The following MTMR8 variants were observed in gnomAD, a reference collection of about 807,000 sequenced individuals.
MTMR8 encodes the protein phosphatidylinositol-3,5-bisphosphate 3-phosphatase MTMR8.
MTMR8 carries 65 observed loss-of-function variants against 39.3 expected under a neutral mutation model. That is an observed-to-expected ratio of 1.65 (90% CI 1.35 to 2.03). MTMR8 has a LOEUF of 2.03. MTMR8 is among the 30% of genes most tolerant of loss of function. MTMR8 has a pLI of 0.00. For missense variants in MTMR8, 777 were observed against 538.9 expected, an observed-to-expected ratio of 1.44 and a Z score of -4.37; for synonymous variants, 245 against 185.2, an observed-to-expected ratio of 1.32 and a Z score of -2.62.
intron 12 of MTMR8, among the ~76,000 whole-genome samples, chrX:64,278,459 G>GTTTTTTTTTTTTTTTTTTTTTT (rs1931928205): frequency 6.0e-5 from 3 of 49,855 alleles, no homozygotes; most frequent in African/African-American, 3.4e-4. Context: ...TTATTTTGCT[G>GTTTTTTTTTTTTTTTTTTTTTT]GTTTTTTTTT....
intron 1 of MTMR8, among the ~76,000 whole-genome samples, chrX:64,388,700 T>G (rs1924622597): frequency 8.9e-6 from 1 of 112,195 alleles, no homozygotes; most frequent in African/African-American, 3.2e-5. Flanking sequence ...GAATCCTAGT[T>G]CCACAGATGT....
intron 1 of MTMR8, among the ~76,000 whole-genome samples, chrX:64,374,617 G>A (rs952723718): frequency 2.7e-5 from 3 of 111,873 alleles, no homozygotes; most frequent in African/African-American, 9.8e-5. Context: ...TAGTTAAAGA[G>A]AAGTGAAAAA....
At chrX:64,306,962 C>G (rs1030411746) in intron 12 of MTMR8, among the ~76,000 whole-genome samples, 11 of 111,909 alleles carry the variant, frequency 9.8e-5, no homozygotes, top group Non-Finnish European at 1.9e-5. Context: ...GAGACAACTA[C>G]GGGAGCGGAA....
chrX:64,305,965 A>T lies in MTMR8; in HGVS notation c.1481+22807T>A, dbSNP rs555715598. On this transcript the variant is annotated intron_variant, in intron 12 of 13. Transcript: ENST00000374852. ...CCCTGTCTCTACAAACAATTTAAAC[A>T]TTTAGCTGGGTGTGGTGGCACGCAC... 3.9e-3 allele frequency: 779 copies of T among 197,934 alleles called. 12 individuals are homozygous for T. The South Asian group carries it at 0.063, about 16-fold the overall frequency. The allele number at this position is 197,934 out of a possible 1,213,427, so 16.3% of individuals were successfully genotyped here.
Position 64,270,981 on chromosome X carries a change from G to C in MTMR8, c.1574C>G (p.Ala525Gly), listed in dbSNP as rs142296761. The change falls in exon 13 of 14, where the codon GCA (alanine) becomes GGA (glycine). Residue 525 changes from alanine (A) to glycine (G), a missense_variant. Ala to Gly is a moderately conservative substitution (Grantham distance 60). Coordinates refer to ENST00000374852, the MANE Select transcript of MTMR8 (RefSeq NM_017677.4). ...TTCATGCACATCTGTCTCCAGCATTGCTCTCTGTTTCTTAATTTCCAGGAG... is the reference window on the plus strand; with the variant it reads ...TTCATGCACATCTGTCTCCAGCATTCCTCTCTGTTTCTTAATTTCCAGGAG... ...ESLLEIKKQR[A>G]MLETDVHELE... is the part of the protein sequence containing the mutation. The C allele has an allele frequency of 1.8e-5, 22 of 1,209,944 alleles. No individual in the cohort carries two copies. The highest frequency in any genetic ancestry group is 2.5e-5 in the Non-Finnish European group (22 of 894,677).
intron 1 of MTMR8, among the ~76,000 whole-genome samples, chrX:64,384,981 A>C (rs886568023): frequency 2.7e-5 from 3 of 112,456 alleles, no homozygotes; most frequent in South Asian, 3.7e-4. Context: ...CAAATTTTCC[A>C]AATTTTTATA....
At chrX:64,285,860 A>T (rs773683860) in intron 12 of MTMR8, among the ~76,000 whole-genome samples, 84 of 111,698 alleles carry the variant, frequency 7.5e-4, no homozygotes, top group African/African-American at 2.5e-3. Context: ...CTAAATGCCC[A>T]CAAGAGAAAG....
chrX:64,326,885 A>G (rs1385336183), intron 12 of MTMR8, among the ~76,000 whole-genome samples: 1 of 110,868 alleles, frequency 9.0e-6, no homozygotes, highest in Non-Finnish European at 1.9e-5. Context: ...GAGAGCCCAG[A>G]AAAAAAATGC....
intron 12 of MTMR8, among the ~76,000 whole-genome samples, chrX:64,300,961 G>C (rs1394235281): frequency 1.8e-5 from 2 of 108,597 alleles, no homozygotes; most frequent in Non-Finnish European, 3.8e-5. Flanking sequence ...TAGTCTGATG[G>C]GCTTCCCTTT....
intron 1 of MTMR8, among the ~76,000 whole-genome samples, chrX:64,362,471 G>GA (rs760545171): frequency 0.033 from 180 of 5,487 alleles, 39 homozygotes; most frequent in Non-Finnish European, 0.041. Flanking sequence ...TACTATTGCA[G>GA]AAAAAAAAAA....
At chrX:64,282,195 T>C (rs1301284101) in intron 12 of MTMR8, among the ~76,000 whole-genome samples, 1 of 111,582 alleles carries the variant, frequency 9.0e-6, no homozygotes, top group Non-Finnish European at 1.9e-5. Flanking sequence ...AGAAATACCA[T>C]TTGACCCAGC....
chrX:64,381,030 T>C lies in MTMR8; in HGVS notation c.24+14310A>G, dbSNP rs780445923. On this transcript the variant is annotated intron_variant, in intron 1 of 13. Coordinates refer to ENST00000374852, the MANE Select transcript of MTMR8 (RefSeq NM_017677.4). ...TTGGCTTGGTTCCAAGTCTTTGCTA[T>C]TGTGAATAGTGCCGCAATAAACATA... Among the ~76,000 whole-genome samples the C allele has an allele frequency of 4.5e-5, 5 of 112,269 alleles. No individual in the cohort carries two copies. In the East Asian group the frequency reaches 1.4e-3, roughly 31 times the overall value.
At chrX:64,320,992 T>C (rs1922627058) in intron 12 of MTMR8, among the ~76,000 whole-genome samples, 1 of 112,019 alleles carries the variant, frequency 8.9e-6, no homozygotes, top group Non-Finnish European at 1.9e-5. Flanking sequence ...TGACTACATG[T>C]GGCAAATAAC....
At chrX:64,377,508 A>G (rs1924301460) in intron 1 of MTMR8, among the ~76,000 whole-genome samples, 2 of 112,609 alleles carry the variant, frequency 1.8e-5, no homozygotes, top group Admixed American at 1.9e-4. Flanking sequence ...TTTAATGACT[A>G]CGCTGCTGGG....
Position 64,287,697 on chromosome X carries a change from C to G in MTMR8, c.1482-16624G>C, listed in dbSNP as rs1166000453. On this transcript the variant is annotated intron_variant, in intron 12 of 13. Coordinates refer to ENST00000374852, the MANE Select transcript of MTMR8 (RefSeq NM_017677.4). ...GCTATCTGATCTTTGACAAACCTGA[C>G]AAAAACAAGCAATGGGGAAAGGATT... 6.4e-5 allele frequency among the ~76,000 whole-genome samples: 7 copies of G among 109,230 alleles called. No homozygotes were observed. The East Asian group carries it at 8.7e-4, about 14-fold the overall frequency. The allele number at this position is 109,230 out of a possible 115,157, so 94.9% of individuals were successfully genotyped here. A position where few individuals can be genotyped will look rare whatever the true frequency, so the allele number is the denominator to read the frequency against.
At chrX:64,302,719 A>C (rs1253594173) in intron 12 of MTMR8, among the ~76,000 whole-genome samples, 1 of 112,446 alleles carries the variant, frequency 8.9e-6, no homozygotes, top group Admixed American at 9.4e-5. Context: ...GTATATTTTT[A>C]GGCATTAGAG....
At chrX:64,342,023 G>A (rs913862651) in intron 8 of MTMR8, among the ~76,000 whole-genome samples, 1 of 112,083 alleles carries the variant, frequency 8.9e-6, no homozygotes, top group Non-Finnish European at 1.9e-5. Context: ...AAGCTGGGGC[G>A]ACATTGTGAA....
chrX:64,318,449 T>A, intron 12 of MTMR8, among the ~76,000 whole-genome samples: 1 of 111,562 alleles, frequency 9.0e-6, no homozygotes, highest in South Asian at 3.8e-4. Flanking sequence ...TCCCGTGTTA[T>A]GTATGGGTTG....
At chrX:64,309,189 A>G (rs1243606454) in intron 12 of MTMR8, among the ~76,000 whole-genome samples, 1 of 112,121 alleles carries the variant, frequency 8.9e-6, no homozygotes, top group Non-Finnish European at 1.9e-5. Flanking sequence ...GGATCTATAA[A>G]GTTGGGAAGA....
Sources: gnomAD v4.1 joint callset for allele counts (sites outside exome capture counted in the v4.1 genomes callset) on GRCh38, gnomAD v4.1.1 for gene constraint, MANE v1.5 for transcripts, NCBI Gene and HGNC (gene_info 2026-07-23, HGNC 2026-07-21) for gene names.